Variants in ARHGAP35 observed in about 807,000 individuals in gnomAD.
ARHGAP35 encodes rho GTPase-activating protein 35.
In ARHGAP35, 15 loss-of-function variants were observed where a neutral mutation model predicts 111.1. The observed-to-expected ratio is 0.13, with a 90% CI of 0.09 to 0.21. ARHGAP35 has a LOEUF of 0.21. ARHGAP35 is among the 10% of genes least tolerant of loss of function. ARHGAP35 has a pLI of 1.00. For missense variants in ARHGAP35, 1,262 were observed against 1,873.0 expected, an observed-to-expected ratio of 0.67 and a Z score of 6.02; for synonymous variants, 643 against 710.3, an observed-to-expected ratio of 0.91 and a Z score of 1.51.
intron 3 of ARHGAP35, among the ~76,000 whole-genome samples, chr19:46,951,821 G>A (rs1312976259): frequency 6.6e-6 from 1 of 152,224 alleles, no homozygotes; most frequent in African/African-American, 2.4e-5. Flanking sequence ...TCCCCAGGGA[G>A]AGTAGCCCAC....
chr19:46,866,891 T>C (rs1271690553), intron 1 of ARHGAP35, among the ~76,000 whole-genome samples: 1 of 152,202 alleles, frequency 6.6e-6, no homozygotes, highest in African/African-American at 2.4e-5. Context: ...AAAAACGATA[T>C]GGAATTTTTC....
intron 1 of ARHGAP35, among the ~76,000 whole-genome samples, chr19:46,872,351 CTTTT>C (rs906715175): frequency 6.7e-6 from 1 of 148,940 alleles, no homozygotes; most frequent in African/African-American, 2.5e-5. Flanking sequence ...GTGATTAAAA[CTTTT>C]TTTTTAATTT....
chr19:46,903,128 G>A (rs753158539), intron 1 of ARHGAP35, among the ~76,000 whole-genome samples: 1 of 152,140 alleles, frequency 6.6e-6, no homozygotes, highest in Non-Finnish European at 1.5e-5. Context: ...AATCACAGAT[G>A]GATTCAGGGG....
At chr19:46,971,384 C>T (rs919532002) in intron 3 of ARHGAP35, among the ~76,000 whole-genome samples, 7 of 151,812 alleles carry the variant, frequency 4.6e-5, no homozygotes, top group African/African-American at 7.3e-5. Context: ...CCAGCCCGGG[C>T]GACAGAGCCA....
intron 1 of ARHGAP35, among the ~76,000 whole-genome samples, chr19:46,868,830 A>G (rs998005406): frequency 1.1e-4 from 16 of 152,076 alleles, no homozygotes; most frequent in African/African-American, 3.9e-4. Context: ...AATAAAAATT[A>G]AAAGAAACAT....
At chr19:46,877,881 A>C (rs1440732969) in intron 1 of ARHGAP35, among the ~76,000 whole-genome samples, 1 of 151,202 alleles carries the variant, frequency 6.6e-6, no homozygotes, top group African/African-American at 2.4e-5. Flanking sequence ...TAATTTTTTG[A>C]ATTTTTAGTA....
intron 2 of ARHGAP35, among the ~76,000 whole-genome samples, chr19:46,925,276 G>A (rs1479855170): frequency 2.0e-5 from 3 of 152,190 alleles, no homozygotes; most frequent in Non-Finnish European, 2.9e-5. Flanking sequence ...GTGCAGAGAT[G>A]AGCAAATCCT....
At position 46,900,222 on chromosome 19, in the gene ARHGAP35, G is replaced by GTTT. The variant is rs373787596; in HGVS notation, c.-188-18251_-188-18249dup. Among the ~76,000 whole-genome samples, 165 of 128,658 alleles carry GTTT rather than the reference G, an allele frequency of 1.3e-3. 2 individuals carry two copies. Among genetic ancestry groups the GTTT allele is most frequent in the Non-Finnish European group, 1.9e-3 (118 of 61,810 alleles). The allele number at this position is 128,658 out of a possible 152,430, so 84.4% of individuals were successfully genotyped here. On this transcript the variant is annotated intron_variant, in intron 1 of 6. Transcript: ENST00000672722. ...CATAAATTTGTTTTTTGTTTTTTGG[G>GTTT]TTTTTTTTTTTTTTTTTGAGATGGA...
intron 1 of ARHGAP35, among the ~76,000 whole-genome samples, chr19:46,887,248 C>T (rs1237058054): frequency 6.6e-6 from 1 of 152,006 alleles, no homozygotes; most frequent in Admixed American, 6.6e-5. Flanking sequence ...ATGATAAAAC[C>T]GTGGTGCTCC....
rs369040622 is a variant in ARHGAP35 at position 46,920,862 on chromosome 19, G to A, written c.2187G>A (p.Gln729=). Reference sequence around the variant, plus strand: ...GTCAACAAATTGCTAGCAAACTTCAGTGTGTCTTTCTCGACCCTGCTTCTG... The same window carrying A: ...GTCAACAAATTGCTAGCAAACTTCAATGTGTCTTTCTCGACCCTGCTTCTG... The part of the protein sequence containing the change: ...QQGQQIASKL[Q]CVFLDPASAG... The change falls in exon 2 of 7, where the codon CAG becomes CAA. Residue 729 remains glutamine, a synonymous_variant. Coordinates refer to ENST00000672722, the MANE Select transcript of ARHGAP35 (RefSeq NM_004491.5). The surrounding 1 kb of genome is among the most constrained non-coding windows in gnomAD (Gnocchi z 7.0). 9.3e-6 allele frequency: 15 copies of A among 1,613,848 alleles called. No individual in the cohort carries two copies. In the African/African-American group the frequency reaches 1.9e-4, roughly 20 times the overall value.
chr19:46,862,490 C>T (rs906905713), intron 1 of ARHGAP35, among the ~76,000 whole-genome samples: 3 of 152,076 alleles, frequency 2.0e-5, no homozygotes, highest in African/African-American at 7.2e-5. Context: ...CCTCACTATA[C>T]CTCTGATACC....
intron 3 of ARHGAP35, among the ~76,000 whole-genome samples, chr19:46,980,399 A>T (rs1371808261): frequency 6.6e-6 from 1 of 152,072 alleles, no homozygotes; most frequent in African/African-American, 2.4e-5. Context: ...AAAAATAATA[A>T]TAATATTTAC....
At chr19:46,942,116 T>C (rs2056350875) in intron 3 of ARHGAP35, among the ~76,000 whole-genome samples, 1 of 152,254 alleles carries the variant, frequency 6.6e-6, no homozygotes, top group East Asian at 1.9e-4. Context: ...TTTCTCCCTT[T>C]TATAAAATTA....
chr19:46,993,160 A>C lies in ARHGAP35; in HGVS notation c.4036+3485A>C, dbSNP rs1367771137. On this transcript the variant is annotated intron_variant, in intron 5 of 6. Coordinates refer to ENST00000672722, the MANE Select transcript of ARHGAP35 (RefSeq NM_004491.5). The surrounding 1 kb of genome is among the most constrained non-coding windows in gnomAD (Gnocchi z 4.6). Reference sequence around the variant, plus strand: ...AAAGCCGTGTCTCCAGGGGAAGGACAGCTTGGATTCTCCATCCTGAGCCCT... The same window carrying C: ...AAAGCCGTGTCTCCAGGGGAAGGACCGCTTGGATTCTCCATCCTGAGCCCT... 6.6e-6 allele frequency among the ~76,000 whole-genome samples: 1 copy of C among 152,232 alleles called. No homozygotes were observed. Among genetic ancestry groups the C allele is most frequent in the Non-Finnish European group, 1.5e-5 (1 of 68,030 alleles).
In ARHGAP35 at chr19:46,991,345, C is replaced by T. The variant is rs563927910; in HGVS notation, c.4036+1670C>T. Reference sequence around the variant, plus strand: ...CTTGACTTGGCGCCATCTAGAGGTGCGTGAAATCCTGCCACCCGGCAGAAC... The same window carrying T: ...CTTGACTTGGCGCCATCTAGAGGTGTGTGAAATCCTGCCACCCGGCAGAAC... On this transcript the variant is annotated intron_variant, in intron 5 of 6. Transcript: ENST00000672722. 9.2e-5 allele frequency among the ~76,000 whole-genome samples: 14 copies of T among 152,324 alleles called. No individual in the cohort carries two copies. In the South Asian group the frequency reaches 1.2e-3, roughly 14 times the overall value.
At chr19:46,948,284 A>C (rs2056391893) in intron 3 of ARHGAP35, 1 of 152,254 alleles carries the variant, frequency 6.6e-6, no homozygotes, top group Non-Finnish European at 1.5e-5. Context: ...AGAACTGTAG[A>C]CAAAAACCTA....
intron 1 of ARHGAP35, among the ~76,000 whole-genome samples, chr19:46,900,703 A>G (rs2056079977): frequency 6.6e-6 from 1 of 152,140 alleles, no homozygotes; most frequent in Non-Finnish European, 1.5e-5. Context: ...TGAGGAGCAG[A>G]ATAGATAAGA....
chr19:46,866,687 A>G (rs1235698927), intron 1 of ARHGAP35, among the ~76,000 whole-genome samples: 1 of 152,152 alleles, frequency 6.6e-6, no homozygotes, highest in Non-Finnish European at 1.5e-5. Context: ...CCCGTAACCC[A>G]GAGTCTGTGT....
intron 3 of ARHGAP35, among the ~76,000 whole-genome samples, chr19:46,960,627 G>A (rs1202116325): frequency 2.0e-5 from 3 of 152,074 alleles, no homozygotes; most frequent in East Asian, 1.9e-4. Flanking sequence ...TTGTAGAATC[G>A]TTAGAAGTAA....
Sources: allele counts gnomAD v4.1 joint callset (sites outside exome capture counted in the v4.1 genomes callset), GRCh38; gene constraint gnomAD v4.1.1; non-coding constraint Gnocchi (gnomAD v3.1); transcripts MANE v1.5; gene names NCBI Gene and HGNC (gene_info 2026-07-23, HGNC 2026-07-21).